Variants in PCDH9 observed in about 807,000 individuals in gnomAD.
PCDH9 encodes the protein protocadherin-9.
In PCDH9, 24 loss-of-function variants were observed where a neutral mutation model predicts 70.6. That is an observed-to-expected ratio of 0.34 (90% CI 0.25 to 0.48). The LOEUF is 0.48. PCDH9 is among the 20% of genes least tolerant of loss of function. The probability of loss-of-function intolerance (pLI) is 0.99; values close to 1 mark genes in which losing one functional copy is unlikely to be tolerated. For synonymous variants in PCDH9, 562 were observed against 558.5 expected, an observed-to-expected ratio of 1.01 and a Z score of -0.09; for missense variants, 1,281 against 1,503.6, an observed-to-expected ratio of 0.85 and a Z score of 2.45.
chr13:66,452,693 G>A (rs920558883), intron 4 of PCDH9, among the ~76,000 whole-genome samples: 1 of 151,972 alleles, frequency 6.6e-6, no homozygotes, highest in African/African-American at 2.4e-5. Flanking sequence ...CAAAGTAATT[G>A]CAAATAAGAG....
intron 3 of PCDH9, among the ~76,000 whole-genome samples, chr13:66,845,687 A>T (rs7989069): frequency 1.3e-5 from 2 of 151,988 alleles, no homozygotes; most frequent in Non-Finnish European, 2.9e-5. Flanking sequence ...TGCCAACTGC[A>T]CCTCCCTCAC....
intron 2 of PCDH9, among the ~76,000 whole-genome samples, chr13:67,157,816 G>A (rs1177580659): frequency 6.6e-6 from 1 of 152,150 alleles, no homozygotes; most frequent in African/African-American, 2.4e-5. Flanking sequence ...TAGATTTTTG[G>A]GGGAAGTTTG....
chr13:66,605,303 C>T (rs1276087056), intron 4 of PCDH9, among the ~76,000 whole-genome samples: 1 of 152,040 alleles, frequency 6.6e-6, no homozygotes, highest in African/African-American at 2.4e-5. Context: ...AGACAAGGTA[C>T]ATTCTGGTAA....
At chr13:66,907,718 G>A (rs1399986537) in intron 2 of PCDH9, among the ~76,000 whole-genome samples, 2 of 152,088 alleles carry the variant, frequency 1.3e-5, no homozygotes, top group Admixed American at 6.5e-5. Flanking sequence ...AAACACAGCT[G>A]TTTTCTTTGC....
At chr13:66,616,821 G>A (rs978401020) in intron 4 of PCDH9, among the ~76,000 whole-genome samples, 1 of 152,106 alleles carries the variant, frequency 6.6e-6, no homozygotes, top group South Asian at 2.1e-4. Flanking sequence ...GAGGAGGGCT[G>A]AGTTCCGCAG....
intron 3 of PCDH9, among the ~76,000 whole-genome samples, chr13:66,772,562 A>T (rs2079825137): frequency 6.6e-6 from 1 of 152,154 alleles, no homozygotes; most frequent in African/African-American, 2.4e-5. Context: ...CATTATTTGT[A>T]TTTTTATTTT....
rs563077839 is a variant in PCDH9 at position 67,102,539 on chromosome 13, A to C, written c.3036+122866T>G. Among the ~76,000 whole-genome samples, 7 of 152,322 alleles carry C rather than the reference A, an allele frequency of 4.6e-5. No homozygotes were observed. In the East Asian group the frequency reaches 7.7e-4, roughly 17 times the overall value. On this transcript the variant is annotated intron_variant, in intron 2 of 4. Coordinates refer to ENST00000377865, the MANE Select transcript of PCDH9 (RefSeq NM_203487.3). ...AATGAAAACACTTTCAAATAGAAAAAAAAACAGGTTAAATGCTCAGTTACC... is the reference window on the plus strand; with the variant it reads ...AATGAAAACACTTTCAAATAGAAAACAAAACAGGTTAAATGCTCAGTTACC...
intron 4 of PCDH9, among the ~76,000 whole-genome samples, chr13:66,482,479 G>T (rs979957855): frequency 1.3e-5 from 2 of 152,144 alleles, no homozygotes; most frequent in Non-Finnish European, 2.9e-5. Flanking sequence ...ACCCTTAGCT[G>T]CAGGAAAGCT....
chr13:66,768,194 G>T (rs1478495657), intron 3 of PCDH9, among the ~76,000 whole-genome samples: 1 of 151,964 alleles, frequency 6.6e-6, no homozygotes, highest in Non-Finnish European at 1.5e-5. Flanking sequence ...AAATATAGCT[G>T]TCCATTAAAT....
intron 4 of PCDH9, among the ~76,000 whole-genome samples, chr13:66,419,117 A>G (rs1957515591): frequency 6.6e-6 from 1 of 152,168 alleles, no homozygotes; most frequent in East Asian, 1.9e-4. Flanking sequence ...AACCAAAAAA[A>G]GCCCAGGACC....
At chr13:66,419,415 C>T (rs1047708193) in intron 4 of PCDH9, among the ~76,000 whole-genome samples, 3 of 151,764 alleles carry the variant, frequency 2.0e-5, no homozygotes, top group African/African-American at 4.8e-5. Context: ...CGAGACAAAC[C>T]CAGAAGGTGG....
At chr13:66,652,415 C>T (rs1024865817) in intron 3 of PCDH9, among the ~76,000 whole-genome samples, 4 of 151,872 alleles carry the variant, frequency 2.6e-5, no homozygotes, top group African/African-American at 9.7e-5. Context: ...TAGGATTTAA[C>T]TTAACCAAAG....
At chr13:66,589,048 AAAAT>A (rs2077003220) in intron 4 of PCDH9, among the ~76,000 whole-genome samples, 2 of 152,078 alleles carry the variant, frequency 1.3e-5, no homozygotes, top group East Asian at 3.9e-4. Context: ...TACCTAAGCC[AAAAT>A]GTTGCTTTAG....
intron 2 of PCDH9, among the ~76,000 whole-genome samples, chr13:67,130,349 C>T (rs1432692997): frequency 6.6e-6 from 1 of 151,992 alleles, no homozygotes; most frequent in African/African-American, 2.4e-5. Flanking sequence ...ATATAACATA[C>T]ATCCTTAATT....
chr13:67,098,529 G>A (rs2086367749), intron 2 of PCDH9, among the ~76,000 whole-genome samples: 1 of 152,016 alleles, frequency 6.6e-6, no homozygotes, highest in East Asian at 1.9e-4. Context: ...TTATTTTTAA[G>A]TTCTTTAGCT....
chr13:66,514,167 G>C (rs925894414), intron 4 of PCDH9, among the ~76,000 whole-genome samples: 1 of 152,038 alleles, frequency 6.6e-6, no homozygotes, highest in Non-Finnish European at 1.5e-5. Context: ...AGTGAAATAA[G>C]GTTTGATTAG....
intron 2 of PCDH9, among the ~76,000 whole-genome samples, chr13:67,149,260 CAA>C (rs2087600267): frequency 6.6e-6 from 1 of 152,146 alleles, no homozygotes; most frequent in Admixed American, 6.5e-5. Context: ...CATAATATAA[CAA>C]AGACATGGGC....
At chr13:66,408,360 C>T (rs1218124082) in intron 4 of PCDH9, among the ~76,000 whole-genome samples, 1 of 152,180 alleles carries the variant, frequency 6.6e-6, no homozygotes, top group East Asian at 1.9e-4. Context: ...TGTCTCCATT[C>T]CCAATTTCCT....
intron 3 of PCDH9, among the ~76,000 whole-genome samples, chr13:66,791,826 A>T (rs1291631285): frequency 6.6e-6 from 1 of 152,014 alleles, no homozygotes; most frequent in Non-Finnish European, 1.5e-5. Flanking sequence ...TTTTTCTATC[A>T]TGTGGACTTT....
Sources: gnomAD v4.1 joint callset for allele counts (sites outside exome capture counted in the v4.1 genomes callset) on GRCh38, gnomAD v4.1.1 for gene constraint, MANE v1.5 for transcripts, NCBI Gene and HGNC (gene_info 2026-07-23, HGNC 2026-07-21) for gene names.